SOCS7: variants seen among roughly 807,000 people sequenced by gnomAD.
SOCS7 encodes the protein suppressor of cytokine signaling 7.
A neutral mutation model predicts 58.9 loss-of-function variants in SOCS7; 18 were observed. The observed-to-expected ratio is 0.31, with a 90% CI of 0.21 to 0.45. The LOEUF (loss-of-function observed/expected upper bound fraction) is 0.45. Ranked by LOEUF, SOCS7 falls within the 20% of genes least tolerant of loss-of-function variation. SOCS7 has a pLI of 1.00. For synonymous variants in SOCS7, 388 were observed against 364.3 expected (o/e 1.06, Z -0.74); for missense variants, 667 against 837.3 (o/e 0.80, Z 2.51).
At chr17:38,377,256 G>C (rs1045436071) in intron 6 of SOCS7, among the ~76,000 whole-genome samples, 2 of 152,086 alleles carry the variant, frequency 1.3e-5, no homozygotes, top group Non-Finnish European at 2.9e-5. Flanking sequence ...AATTATTAAA[G>C]GTTGAGTATC....
intron 7 of SOCS7, among the ~76,000 whole-genome samples, chr17:38,390,283 C>T (rs969062359): frequency 3.3e-5 from 5 of 152,026 alleles, no homozygotes; most frequent in Non-Finnish European, 7.4e-5. Context: ...GTTGTATGTC[C>T]ATCCTTATGC....
At chr17:38,387,303 C>T (rs1160632388) in intron 7 of SOCS7, among the ~76,000 whole-genome samples, 10 of 136,988 alleles carry the variant, frequency 7.3e-5, no homozygotes, top group Admixed American at 1.5e-4. Context: ...AAAAAATAGC[C>T]GGGCGTGGTG....
intron 2 of SOCS7, among the ~76,000 whole-genome samples, chr17:38,363,053 G>T (rs750793545): frequency 6.6e-6 from 1 of 152,026 alleles, no homozygotes; most frequent in African/African-American, 2.4e-5. Flanking sequence ...GGCTGAGGTT[G>T]CAGTAAGCAG....
chr17:38,356,879 G>A (rs41508247), intron 1 of SOCS7, among the ~76,000 whole-genome samples: 4,623 of 152,308 alleles, frequency 0.03, 121 homozygotes, highest in Non-Finnish European at 0.047. Flanking sequence ...CATATGTTGA[G>A]TTGATTGCCT....
At chr17:38,385,986 C>T (rs959450320) in intron 7 of SOCS7, among the ~76,000 whole-genome samples, 1 of 151,918 alleles carries the variant, frequency 6.6e-6, no homozygotes, top group African/African-American at 2.4e-5. Context: ...CAAGACCTGC[C>T]TGGGCAGCAT....
chr17:38,380,371 C>T (rs1046869174), intron 7 of SOCS7, among the ~76,000 whole-genome samples: 1 of 152,092 alleles, frequency 6.6e-6, no homozygotes, highest in East Asian at 1.9e-4. Context: ...TGGCTCACGC[C>T]TGTAATCCCA....
intron 7 of SOCS7, among the ~76,000 whole-genome samples, chr17:38,392,379 A>G (rs1305671467): frequency 6.6e-6 from 1 of 152,228 alleles, no homozygotes; most frequent in Non-Finnish European, 1.5e-5. Context: ...ATAAATTATT[A>G]GATGTATAAA....
intron 2 of SOCS7, among the ~76,000 whole-genome samples, chr17:38,363,620 CCA>C (rs1555567871): frequency 2.1e-4 from 32 of 152,156 alleles, no homozygotes; most frequent in African/African-American, 7.7e-4. Flanking sequence ...CAGGTGTGAC[CCA>C]CTGCACCTGG....
At chr17:38,398,587 TC>T (rs2038275052) in intron 9 of SOCS7, among the ~76,000 whole-genome samples, 3 of 152,138 alleles carry the variant, frequency 2.0e-5, no homozygotes, top group Admixed American at 2.0e-4. Flanking sequence ...CTTTATGACT[TC>T]TTGTTGTTCA....
chr17:38,356,740 G>C (rs2037644983), intron 1 of SOCS7, among the ~76,000 whole-genome samples: 1 of 152,142 alleles, frequency 6.6e-6, no homozygotes, highest in Admixed American at 6.5e-5. Flanking sequence ...TTCTGTTCTG[G>C]GGAACTGGGC....
intron 2 of SOCS7, among the ~76,000 whole-genome samples, chr17:38,363,814 T>TA (rs202029398): frequency 2.6e-5 from 4 of 151,112 alleles, no homozygotes; most frequent in East Asian, 1.9e-4. Flanking sequence ...AGCCCTGAAT[T>TA]AAAAAAAAAG....
rs1398466029 is a variant in SOCS7, at chr17:38,394,172, T to G, written c.1682-1137T>G. On this transcript the variant is annotated intron_variant, in intron 7 of 9. Transcript: ENST00000612932. Reference sequence around the variant, plus strand: ...TCCATGCTGTGGCGTGGGGCCCTTTTTGGGGTGGGATTCCCCAGCACAGAG... The same window carrying G: ...TCCATGCTGTGGCGTGGGGCCCTTTGTGGGGTGGGATTCCCCAGCACAGAG... 2.0e-5 allele frequency among the ~76,000 whole-genome samples: 3 copies of G among 152,214 alleles called. 1 individual carries two copies. The highest frequency in any genetic ancestry group is 2.0e-4 in the Admixed American group (3 of 15,280).
intron 6 of SOCS7, among the ~76,000 whole-genome samples, chr17:38,374,060 A>G (rs1289335981): frequency 7.0e-6 from 1 of 142,928 alleles, no homozygotes; most frequent in Non-Finnish European, 1.5e-5. Flanking sequence ...GTCTCTACTA[A>G]AAATACAAAA....
intron 1 of SOCS7, among the ~76,000 whole-genome samples, chr17:38,358,938 G>T: frequency 6.6e-6 from 1 of 152,110 alleles, no homozygotes; most frequent in East Asian, 1.9e-4. Flanking sequence ...AAGTGAGAAG[G>T]CCTCCGCAAG....
rs41489845 is a variant in SOCS7 at position 38,380,803 on chromosome 17, C to G, written c.1681+2961C>G. 4.4e-3 allele frequency among the ~76,000 whole-genome samples: 670 copies of G among 152,008 alleles called. 7 individuals carry two copies. Among genetic ancestry groups the G allele is most frequent in the African/African-American group, 0.015 (633 of 41,480 alleles). ...GAACCTGGGAGGTGGAGGTTGCAGT[C>G]AGCCAAGATTAAGCCACTGCACTTC... On this transcript the variant is annotated intron_variant, in intron 7 of 9. Transcript: ENST00000612932.
intron 1 of SOCS7, 120 bp from the exon 2 acceptor site, chr17:38,361,591 C>T: frequency 2.5e-6 from 2 of 789,202 alleles, no homozygotes; most frequent in South Asian, 2.7e-5. Flanking sequence ...AAGAGTGTTG[C>T]TGACAACGAC....
At position 38,351,949 on chromosome 17, in the gene SOCS7, G is replaced by A. The variant is rs1321839631; in HGVS notation, c.-104G>A. Among the ~76,000 whole-genome samples the A allele has an allele frequency of 6.6e-6, 1 of 151,308 alleles. No homozygotes were observed. Among genetic ancestry groups the A allele is most frequent in the East Asian group, 1.9e-4 (1 of 5,140 alleles). ...GAGGCAGAGGCCGCGGCGGCCGTTA[G>A]CGCTGTCGCTCCGGGGGCCGCGGCG... On this transcript the variant is annotated 5_prime_UTR_variant, in exon 1 of 10. Coordinates refer to ENST00000612932, the MANE Select transcript of SOCS7 (RefSeq NM_014598.4).
chr17:38,377,808 A>G lies in SOCS7; in HGVS notation c.1647A>G (p.Gly549=), dbSNP rs2037950888. 4 of 1,613,670 alleles carry G rather than the reference A, an allele frequency of 2.5e-6. No individual in the cohort carries two copies. The highest frequency in any genetic ancestry group is 4.5e-5 in the East Asian group (2 of 44,884). The change falls in exon 7 of 10, where the codon GGA becomes GGG. Residue 549 remains glycine (G), a synonymous_variant. Coordinates refer to ENST00000612932, the MANE Select transcript of SOCS7 (RefSeq NM_014598.4). ...IKRAIMHSKN[G]KFLYFLRSRV... ...GAGCCATTATGCACTCCAAGAATGG[A>G]AAGTTTCTCTATTTCTTAAGATCCA...
intron 7 of SOCS7, among the ~76,000 whole-genome samples, chr17:38,387,097 AAAAAAATAT>A (rs1194123991): frequency 2.1e-5 from 2 of 96,902 alleles, no homozygotes; most frequent in African/African-American, 5.7e-5. Context: ...AAAAAAAAAA[AAAAAAATAT>A]ATATATATAT....
Sources: allele counts gnomAD v4.1 joint callset (sites outside exome capture counted in the v4.1 genomes callset), GRCh38; gene constraint gnomAD v4.1.1; transcripts MANE v1.5; gene names NCBI Gene and HGNC (gene_info 2026-07-23, HGNC 2026-07-21).